Variants in PDE5A observed in about 807,000 individuals in gnomAD.
PDE5A encodes cGMP-specific 3',5'-cyclic phosphodiesterase.
In PDE5A, 67 loss-of-function variants were observed where a neutral mutation model predicts 110.2. The ratio of observed to expected loss-of-function variants is 0.61; its 90% CI spans 0.50 to 0.75. The LOEUF (loss-of-function observed/expected upper bound fraction) is 0.75. Ranked by LOEUF, PDE5A falls within the 30% of genes least tolerant of loss-of-function variation. The probability of loss-of-function intolerance (pLI) is 0.00; values close to 1 mark genes in which losing one functional copy is unlikely to be tolerated. For synonymous variants in PDE5A, 328 were observed against 351.2 expected (o/e 0.93, Z 0.74); for missense variants, 862 against 1,045.1 (o/e 0.82, Z 2.42).
Position 119,501,039 on chromosome 4 carries a change from A to G in PDE5A, c.2490+131T>C, listed in dbSNP as rs1001277589. ...ACAAACATGTTCATCAGTAAAAGAA[A>G]CCATACTGCTAATAATTTTATTTCT... On this transcript the variant is annotated intron_variant, in intron 20 of 20. Transcript: ENST00000354960. 5 of 606,486 alleles carry G rather than the reference A, an allele frequency of 8.2e-6. No homozygotes were observed. The Admixed American group carries it at 1.2e-4, about 14-fold the overall frequency. 37.6% of individuals were successfully genotyped at this position (606,486 alleles called of 1,614,324 possible).
chr4:119,560,985 T>A (rs1416198287), intron 6 of PDE5A, among the ~76,000 whole-genome samples: 1 of 152,150 alleles, frequency 6.6e-6, no homozygotes, highest in Non-Finnish European at 1.5e-5. Flanking sequence ...CTGGATGTTG[T>A]GGGCATGCCT....
In PDE5A at chr4:119,622,888, A is replaced by T. The variant is rs191965458; in HGVS notation, c.152+5632T>A. Among the ~76,000 whole-genome samples, 480 of 151,360 alleles carry T rather than the reference A, an allele frequency of 3.2e-3. 19 individuals are homozygous for T. The South Asian group carries it at 0.062, about 20-fold the overall frequency. ...CGAAAAAAAAAAAAAGAAAGAAAGA[A>T]AAAAAAAGCTTTAAAATATTTTTAG... On this transcript the variant is annotated intron_variant, in intron 1 of 20. Coordinates refer to ENST00000354960, the MANE Select transcript of PDE5A (RefSeq NM_001083.4).
In PDE5A at chr4:119,498,322, G is replaced by T; in HGVS notation, c.*279C>A. ...AGTGCAAGAATACTGCATACACTTTGCAGTACACGAAATATCACAAACAAT... is the reference window on the plus strand; with the variant it reads ...AGTGCAAGAATACTGCATACACTTTTCAGTACACGAAATATCACAAACAAT... On this transcript the variant is annotated 3_prime_UTR_variant, in exon 21 of 21. Coordinates refer to ENST00000354960, the MANE Select transcript of PDE5A (RefSeq NM_001083.4). 1 of 312,518 alleles carries T rather than the reference G, an allele frequency of 3.2e-6. No individual in the cohort carries two copies. The highest frequency in any genetic ancestry group is 6.0e-6 in the Non-Finnish European group (1 of 167,838). 19.4% of individuals were successfully genotyped at this position (312,518 alleles called of 1,614,324 possible).
chr4:119,600,659 A>G (rs1215277689), intron 2 of PDE5A, among the ~76,000 whole-genome samples: 2 of 152,216 alleles, frequency 1.3e-5, no homozygotes, highest in Non-Finnish European at 2.9e-5. Context: ...CATAAAGATA[A>G]TAAGAGAACA....
intron 11 of PDE5A, among the ~76,000 whole-genome samples, chr4:119,530,265 A>G (rs562973737): frequency 6.6e-6 from 1 of 152,230 alleles, no homozygotes; most frequent in Admixed American, 6.5e-5. Context: ...TGGGCTTTAA[A>G]TTTTTGGCTC....
chr4:119,577,765 G>C (rs1728414314), intron 3 of PDE5A, among the ~76,000 whole-genome samples: 3 of 152,186 alleles, frequency 2.0e-5, no homozygotes, highest in Admixed American at 1.3e-4. Context: ...CATTCCCTTT[G>C]AAAACTGGCA....
At chr4:119,565,784 C>T (rs1727909130) in intron 4 of PDE5A, among the ~76,000 whole-genome samples, 1 of 151,766 alleles carries the variant, frequency 6.6e-6, no homozygotes, top group South Asian at 2.1e-4. Flanking sequence ...CAAACAACAG[C>T]TTACATACTT....
intron 3 of PDE5A, among the ~76,000 whole-genome samples, chr4:119,587,674 A>C (rs1274595963): frequency 3.3e-5 from 5 of 152,156 alleles, no homozygotes; most frequent in Admixed American, 3.3e-4. Flanking sequence ...GTGAGCCACC[A>C]TGCCTGGCCA....
At chr4:119,515,521 CTATT>C (rs1725879883) in intron 14 of PDE5A, among the ~76,000 whole-genome samples, 1 of 152,104 alleles carries the variant, frequency 6.6e-6, no homozygotes. Flanking sequence ...AACTACCACC[CTATT>C]TATTATCTTC....
chr4:119,561,034 T>C (rs1182727689), intron 6 of PDE5A, among the ~76,000 whole-genome samples: 1 of 152,170 alleles, frequency 6.6e-6, no homozygotes, highest in Non-Finnish European at 1.5e-5. Flanking sequence ...GGCACAAGAA[T>C]TTCTTGAACC....
intron 14 of PDE5A, among the ~76,000 whole-genome samples, chr4:119,516,367 A>G (rs558064365): frequency 6.6e-6 from 1 of 152,354 alleles, no homozygotes; most frequent in South Asian, 2.1e-4. Flanking sequence ...GCCCTAGTAT[A>G]ATAATTATTC....
At position 119,627,022 on chromosome 4, in the gene PDE5A, T is replaced by G; in HGVS notation, c.152+1498A>C. The G allele has an allele frequency of 9.7e-7, 1 of 1,032,144 alleles. No individual in the cohort carries two copies. Among genetic ancestry groups the G allele is most frequent in the Non-Finnish European group, 1.4e-6 (1 of 690,686 alleles). 63.9% of individuals were successfully genotyped at this position (1,032,144 alleles called of 1,614,324 possible). On this transcript the variant is annotated intron_variant, in intron 1 of 20. Coordinates refer to ENST00000354960, the MANE Select transcript of PDE5A (RefSeq NM_001083.4). This position sits in a 1 kb window ranked among gnomAD's most constrained non-coding sequence, Gnocchi z 4.6. ...CAAAGAATAACAACAACAACAAAAG[T>G]TATACAGTCAATTTTCAATGATACA...
At chr4:119,508,548 C>T (rs1291261812) in intron 15 of PDE5A, among the ~76,000 whole-genome samples, 2 of 151,916 alleles carry the variant, frequency 1.3e-5, no homozygotes, top group South Asian at 4.1e-4. Flanking sequence ...AGGAGAACTT[C>T]TGGGTATGTT....
At chr4:119,516,921 C>T (rs1438352234) in intron 14 of PDE5A, 19 of 152,294 alleles carry the variant, frequency 1.2e-4, no homozygotes, top group Admixed American at 1.2e-3. Flanking sequence ...GCCCAGCCCT[C>T]ATTCTCTTCT....
intron 5 of PDE5A, 95 bp from the exon 6 acceptor site, chr4:119,563,065 AG>A (rs1271212314): frequency 6.9e-6 from 7 of 1,013,530 alleles, no homozygotes; most frequent in Non-Finnish European, 9.8e-6. Flanking sequence ...TATATAACCT[AG>A]CAGGTTATGA....
In PDE5A at chr4:119,628,611, TCTGCTGCTGGGGCTG is replaced by T. The variant is rs779154315; in HGVS notation, c.46_60del (p.Gln16_Gln20del). ...GAGTCCTGATCCCTCTGCTGCTGCT[TCTGCTGCTGGGGCTG>T]CTGCTGCTGTCGCTGCTGCCCGAAG... On this transcript the variant is annotated inframe_deletion, in exon 1 of 21. Transcript: ENST00000354960. 26 of 1,613,856 alleles carry T rather than the reference TCTGCTGCTGGGGCTG, an allele frequency of 1.6e-5. No individual in the cohort carries two copies. Among genetic ancestry groups the T allele is most frequent in the Non-Finnish European group, 2.0e-5 (24 of 1,179,940 alleles).
At chr4:119,538,867 A>G in intron 11 of PDE5A, 93 bp downstream of exon 11, 1 of 927,614 alleles carries the variant, frequency 1.1e-6, no homozygotes, top group Non-Finnish European at 1.8e-6. Flanking sequence ...AGTTAATTAA[A>G]CATTTTTATA....
chr4:119,602,972 G>C (rs1236688950), intron 2 of PDE5A, among the ~76,000 whole-genome samples: 1 of 152,166 alleles, frequency 6.6e-6, no homozygotes, highest in African/African-American at 2.4e-5. Context: ...ATTGACTTGG[G>C]AGAAGGAGAG....
intron 10 of PDE5A, among the ~76,000 whole-genome samples, chr4:119,541,550 T>A (rs1240765926): frequency 6.6e-6 from 1 of 152,058 alleles, no homozygotes; most frequent in Non-Finnish European, 1.5e-5. Flanking sequence ...GCATAGAAAG[T>A]AAAGGGTACC....
Sources: gnomAD v4.1 joint callset for allele counts (sites outside exome capture counted in the v4.1 genomes callset) on GRCh38, gnomAD v4.1.1 for gene constraint, Gnocchi (gnomAD v3.1) non-coding constraint, MANE v1.5 for transcripts, NCBI Gene and HGNC (gene_info 2026-07-23, HGNC 2026-07-21) for gene names.